The following USP7 variants were observed in gnomAD, a reference collection of about 807,000 sequenced individuals.
USP7 encodes the protein ubiquitin C-terminal hydrolase 7.
In USP7, 9 loss-of-function variants were observed where a neutral mutation model predicts 162.9. That is an observed-to-expected ratio of 0.06 (90% CI 0.03 to 0.10). The LOEUF (loss-of-function observed/expected upper bound fraction) is 0.10. USP7 is among the 10% of genes least tolerant of loss of function. USP7 has a pLI of 1.00. For missense variants in USP7, 715 were observed against 1,373.7 expected (o/e 0.52, Z 7.58); for synonymous variants, 562 against 475.9 (o/e 1.18, Z -2.35).
chr16:8,920,924 AG>A (rs1897657662), intron 4 of USP7, among the ~76,000 whole-genome samples: 1 of 152,254 alleles, frequency 6.6e-6, no homozygotes, highest in Admixed American at 6.5e-5. Flanking sequence ...AAGGAAATTT[AG>A]CCCACTGGGA....
chr16:8,898,852 G>A, intron 23 of USP7: 3 of 608,922 alleles, frequency 4.9e-6, no homozygotes, highest in Non-Finnish European at 8.6e-6. Flanking sequence ...AAAACACACA[G>A]CAGCCTGGCA....
intron 1 of USP7, among the ~76,000 whole-genome samples, chr16:8,946,102 A>G (rs1012045012): frequency 6.6e-6 from 1 of 152,084 alleles, no homozygotes; most frequent in African/African-American, 2.4e-5. Flanking sequence ...GAACAAATGG[A>G]CTCTACAGCC....
At chr16:8,919,269 T>C (rs1897544949) in intron 5 of USP7, 130 bp from the exon 6 acceptor site, 1 of 822,502 alleles carries the variant, frequency 1.2e-6, no homozygotes, top group South Asian at 1.5e-5. Context: ...CACAGCATCC[T>C]TCAATGGTCA....
intron 11 of USP7, among the ~76,000 whole-genome samples, chr16:8,909,218 G>C (rs1019287113): frequency 6.6e-6 from 1 of 152,134 alleles, no homozygotes; most frequent in Non-Finnish European, 1.5e-5. Context: ...TCTCGACCAC[G>C]GCCAGGCGGT....
In USP7 at chr16:8,892,606, T is replaced by TGAAAAAAA. The variant is rs1491475782; in HGVS notation, c.*1391_*1392insTTTTTTTC. ...AGAGTAAATGTGACTAGTTAGAGGC[T>TGAAAAAAA]AAAAAAAAAAAAAAAAAAAAAAAGA... On this transcript the variant is annotated 3_prime_UTR_variant, in exon 31 of 31. Transcript: ENST00000344836. The TGAAAAAAA allele has an allele frequency of 2.5e-5, 3 of 120,020 alleles. No homozygotes were observed. Among genetic ancestry groups the TGAAAAAAA allele is most frequent in the African/African-American group, 9.3e-5 (3 of 32,140 alleles). 7.4% of individuals were successfully genotyped at this position (120,020 alleles called of 1,614,324 possible).
At chr16:8,915,893 T>A (rs1284663058) in intron 8 of USP7, among the ~76,000 whole-genome samples, 3 of 152,232 alleles carry the variant, frequency 2.0e-5, no homozygotes, top group Admixed American at 1.3e-4. Context: ...TCAACAGGAT[T>A]GACTGGTTTG....
chr16:8,963,168 C>G, intron 1 of USP7, 39 bp downstream of exon 1: 1 of 1,385,004 alleles, frequency 7.2e-7, no homozygotes, highest in Non-Finnish European at 9.5e-7. Flanking sequence ...CAATGAAAGG[C>G]GCCCCCCGGC....
chr16:8,953,389 C>T (rs1256766390), intron 1 of USP7, among the ~76,000 whole-genome samples: 2 of 152,194 alleles, frequency 1.3e-5, no homozygotes, highest in African/African-American at 4.8e-5. Context: ...CTACACCAGC[C>T]TCTGTGGACA....
chr16:8,917,284 G>A, intron 6 of USP7, 128 bp from the exon 7 acceptor site: 7 of 1,175,048 alleles, frequency 6.0e-6, no homozygotes, highest in Admixed American at 3.2e-5. Flanking sequence ...GTTGTTGTTA[G>A]GGCTTTTAAC....
intron 21 of USP7, 108 bp from the exon 22 acceptor site, chr16:8,899,865 C>G: frequency 7.4e-7 from 1 of 1,348,286 alleles, no homozygotes; most frequent in Non-Finnish European, 1.1e-6. Flanking sequence ...GGCTCTCTTG[C>G]AAGATAAATT....
At chr16:8,962,505 G>C (rs915832678) in intron 1 of USP7, 5 of 451,292 alleles carry the variant, frequency 1.1e-5, no homozygotes, top group African/African-American at 1.0e-4. Flanking sequence ...TCTGATGCAG[G>C]CAGCCATGTG....
intron 10 of USP7, among the ~76,000 whole-genome samples, chr16:8,913,819 T>C (rs1425871041): frequency 6.6e-6 from 1 of 151,978 alleles, no homozygotes; most frequent in Non-Finnish European, 1.5e-5. Context: ...GGCACAATCA[T>C]GGCTCGCTGC....
intron 1 of USP7, among the ~76,000 whole-genome samples, chr16:8,951,677 G>C (rs1339131691): frequency 6.6e-6 from 1 of 152,204 alleles, no homozygotes; most frequent in East Asian, 1.9e-4. Flanking sequence ...CTGAGACGCT[G>C]TGCACCTGCA....
At chr16:8,942,297 T>G (rs1567241526) in intron 1 of USP7, among the ~76,000 whole-genome samples, 1 of 152,210 alleles carries the variant, frequency 6.6e-6, no homozygotes, top group Non-Finnish European at 1.5e-5. Context: ...GGAGAGTCTG[T>G]CGGACCTGAG....
chr16:8,927,825 G>T (rs1039619188), intron 2 of USP7, among the ~76,000 whole-genome samples: 1 of 152,156 alleles, frequency 6.6e-6, no homozygotes, highest in South Asian at 2.1e-4. Flanking sequence ...GACACAACAA[G>T]AACCTATCTC....
intron 1 of USP7, among the ~76,000 whole-genome samples, chr16:8,941,959 TGGTTCATGTCCCTTA>T (rs777664714): frequency 2.0e-5 from 3 of 152,240 alleles, no homozygotes; most frequent in Admixed American, 6.5e-5. Context: ...GCCACAGGGC[TGGTTCATGTCCCTTA>T]GTCATGAAGG....
chr16:8,945,111 C>T (rs12927896), intron 1 of USP7, among the ~76,000 whole-genome samples: 9,357 of 152,234 alleles, frequency 0.061, 402 homozygotes, highest in Non-Finnish European at 0.093. Flanking sequence ...CAGAAATTAG[C>T]TGGGTGTGGT....
intron 1 of USP7, among the ~76,000 whole-genome samples, chr16:8,952,508 C>T (rs555114085): frequency 1.1e-4 from 17 of 152,270 alleles, no homozygotes; most frequent in Admixed American, 3.3e-4. Context: ...CTGCCGCTTC[C>T]GGGTCCTAGA....
At chr16:8,935,302 T>C (rs1898636614) in intron 1 of USP7, among the ~76,000 whole-genome samples, 1 of 151,536 alleles carries the variant, frequency 6.6e-6, no homozygotes, top group African/African-American at 2.4e-5. Flanking sequence ...TAGAGCCTCC[T>C]GGGTTCAAGT....
Sources: gnomAD v4.1 joint callset for allele counts (sites outside exome capture counted in the v4.1 genomes callset) on GRCh38, gnomAD v4.1.1 for gene constraint, MANE v1.5 for transcripts, NCBI Gene and HGNC (gene_info 2026-07-23, HGNC 2026-07-21) for gene names.